The following DIS3L2 variants were observed in gnomAD, a reference collection of about 807,000 sequenced individuals.
DIS3L2 encodes DIS3-like exonuclease 2.
Under a neutral mutation model 97.5 loss-of-function variants are expected in DIS3L2, and 34 were observed. The ratio of observed to expected loss-of-function variants is 0.35; its 90% CI spans 0.27 to 0.46. The LOEUF (loss-of-function observed/expected upper bound fraction) is 0.46, where lower values mean the gene tolerates loss of function less well. Ranked by LOEUF, DIS3L2 falls within the 20% of genes least tolerant of loss-of-function variation. The probability of loss-of-function intolerance (pLI) is 1.00; values close to 1 mark genes in which losing one functional copy is unlikely to be tolerated. For synonymous variants in DIS3L2, 435 were observed against 445.2 expected (o/e 0.98, Z 0.29); for missense variants, 1,038 against 1,146.0 (o/e 0.91, Z 1.36).
At chr2:231,978,420 A>T (rs1358445726) in intron 1 of DIS3L2, 1 of 152,074 alleles carries the variant, frequency 6.6e-6, no homozygotes, top group Non-Finnish European at 1.5e-5. Context: ...TTTTTATGTG[A>T]TTTGCTTTTT....
intron 9 of DIS3L2, among the ~76,000 whole-genome samples, chr2:232,201,719 G>A (rs530841830): frequency 1.3e-5 from 2 of 152,246 alleles, no homozygotes; most frequent in South Asian, 2.1e-4. Context: ...CCTTAGTTTT[G>A]GACAATGCAT....
chr2:231,986,491 GT>G (rs1693418278), intron 1 of DIS3L2, among the ~76,000 whole-genome samples: 2 of 152,104 alleles, frequency 1.3e-5, no homozygotes, highest in Non-Finnish European at 2.9e-5. Flanking sequence ...ACAGGGGCTG[GT>G]CTGGGTCCAC....
chr2:232,326,517 A>T (rs1453459873), intron 14 of DIS3L2, among the ~76,000 whole-genome samples: 1 of 152,000 alleles, frequency 6.6e-6, no homozygotes, highest in Non-Finnish European at 1.5e-5. Context: ...CTCATAGCCT[A>T]CCTGTTCACT....
At chr2:232,008,935 C>T (rs764367651) in intron 1 of DIS3L2, among the ~76,000 whole-genome samples, 9 of 152,168 alleles carry the variant, frequency 5.9e-5, no homozygotes, top group South Asian at 2.1e-4. Flanking sequence ...GATTGTATAA[C>T]GTTAATTCAT....
Position 232,342,212 on chromosome 2 carries a change from CATAT to C in DIS3L2, c.1582-1129_1582-1126del, listed in dbSNP as rs775679118. Among the ~76,000 whole-genome samples, 6 of 150,962 alleles carry C rather than the reference CATAT, an allele frequency of 4.0e-5. No individual in the cohort carries two copies. The South Asian group carries it at 1.0e-3, about 26-fold the overall frequency. On this transcript the variant is annotated intron_variant, in intron 13 of 13. Coordinates refer to the DIS3L2 transcript ENST00000273009. ...ACATATATACACATACATATATACA[CATAT>C]ATACACATACATATATACACATACA...
chr2:232,259,453 G>A (rs377760611), intron 12 of DIS3L2, among the ~76,000 whole-genome samples: 1 of 152,088 alleles, frequency 6.6e-6, no homozygotes, highest in Admixed American at 6.5e-5. Flanking sequence ...CCTGGTCAGG[G>A]CCAGCAATCA....
rs1553542467 is a variant in DIS3L2, at chr2:232,270,876, C to CTT, written c.1659+7437_1659+7438insTT. Reference sequence around the variant, plus strand: ...CTTTTTCTCGTCTCTCTCTCTCTCTCTCTCTCTCTCTCTCTCTCTCTCTCT... The same window carrying CTT: ...CTTTTTCTCGTCTCTCTCTCTCTCTCTTTCTCTCTCTCTCTCTCTCTCTCTCT... On this transcript the variant is annotated intron_variant, in intron 13 of 20. Transcript: ENST00000325385. Among the ~76,000 whole-genome samples the CTT allele has an allele frequency of 1.5e-4, 19 of 125,496 alleles. No individual in the cohort carries two copies. The South Asian group carries it at 3.2e-3, about 21-fold the overall frequency. The allele number at this position is 125,496 out of a possible 152,430, so 82.3% of individuals were successfully genotyped here.
At chr2:232,002,776 C>T (rs995713628) in intron 1 of DIS3L2, among the ~76,000 whole-genome samples, 1 of 152,178 alleles carries the variant, frequency 6.6e-6, no homozygotes, top group African/African-American at 2.4e-5. Flanking sequence ...TTCCCATCTA[C>T]TCACTGTAGG....
intron 13 of DIS3L2, among the ~76,000 whole-genome samples, chr2:232,277,827 TTGC>T (rs1413623710): frequency 3.3e-5 from 5 of 152,220 alleles, no homozygotes; most frequent in Non-Finnish European, 7.3e-5. Flanking sequence ...GTTTACACAG[TTGC>T]TGCTCCTAGT....
At chr2:232,244,299 G>A (rs1029644549) in intron 11 of DIS3L2, among the ~76,000 whole-genome samples, 9 of 152,182 alleles carry the variant, frequency 5.9e-5, no homozygotes, top group African/African-American at 2.2e-4. Context: ...GGGGACAGGG[G>A]TGAGGAGTGT....
chr2:232,260,074 A>G (rs1290630832), intron 12 of DIS3L2: 4 of 152,290 alleles, frequency 2.6e-5, no homozygotes, highest in Non-Finnish European at 4.4e-5. Flanking sequence ...AGACCCTGTG[A>G]CCTGAATGCT....
intron 13 of DIS3L2, among the ~76,000 whole-genome samples, chr2:232,299,533 C>G (rs1694804549): frequency 6.6e-6 from 1 of 152,244 alleles, no homozygotes; most frequent in Admixed American, 6.5e-5. Context: ...CCTCTCCACT[C>G]CCCATCCCTC....
At chr2:232,246,663 C>G (rs1287495097) in intron 11 of DIS3L2, among the ~76,000 whole-genome samples, 3 of 152,232 alleles carry the variant, frequency 2.0e-5, no homozygotes, top group African/African-American at 7.2e-5. Flanking sequence ...TGCTGTCTTT[C>G]CTGCACCATG....
At chr2:232,270,748 C>G (rs565248823) in intron 13 of DIS3L2, among the ~76,000 whole-genome samples, 1 of 152,268 alleles carries the variant, frequency 6.6e-6, no homozygotes, top group African/African-American at 2.4e-5. Context: ...GAGGTTGTAC[C>G]AATTTATACT....
At chr2:232,208,909 T>C (rs1574946776) in intron 9 of DIS3L2, among the ~76,000 whole-genome samples, 1 of 152,006 alleles carries the variant, frequency 6.6e-6, no homozygotes, top group Non-Finnish European at 1.5e-5. Flanking sequence ...GCACCTATAC[T>C]GTCAGCTGCT....
At chr2:232,184,101 C>G (rs1343870364) in intron 9 of DIS3L2, among the ~76,000 whole-genome samples, 2 of 152,184 alleles carry the variant, frequency 1.3e-5, no homozygotes, top group Non-Finnish European at 2.9e-5. Context: ...AATTGCATCT[C>G]AGATTGTTAA....
intron 11 of DIS3L2, among the ~76,000 whole-genome samples, chr2:232,242,076 G>C (rs907560799): frequency 2.0e-5 from 3 of 152,186 alleles, no homozygotes; most frequent in African/African-American, 7.2e-5. Flanking sequence ...TCAGAGTGTT[G>C]ATGTTTTGTT....
chr2:232,271,988 A>G (rs1174498238), intron 13 of DIS3L2, among the ~76,000 whole-genome samples: 1 of 152,210 alleles, frequency 6.6e-6, no homozygotes, highest in Non-Finnish European at 1.5e-5. Flanking sequence ...AATTACAGCC[A>G]CTTATGTGTG....
At chr2:232,102,536 T>C (rs1467418867) in intron 6 of DIS3L2, among the ~76,000 whole-genome samples, 1 of 152,202 alleles carries the variant, frequency 6.6e-6, no homozygotes, top group Non-Finnish European at 1.5e-5. Flanking sequence ...TAATTTATTT[T>C]GAATGGTTCA....
Sources: allele counts gnomAD v4.1 joint callset (sites outside exome capture counted in the v4.1 genomes callset), GRCh38; gene constraint gnomAD v4.1.1; transcripts MANE v1.5; gene names NCBI Gene and HGNC (gene_info 2026-07-23, HGNC 2026-07-21).